The following DARS1 variants were observed in gnomAD, a reference collection of about 807,000 sequenced individuals.
The protein encoded by DARS1 is aspartyl-tRNA synthetase 1.
In DARS1, 51 loss-of-function variants were observed where a neutral mutation model predicts 68.8. The ratio of observed to expected loss-of-function variants is 0.74; its 90% CI spans 0.59 to 0.94. The LOEUF is 0.94. Ranked by LOEUF, DARS1 falls within the 40% of genes least tolerant of loss-of-function variation. The pLI is 0.00. For missense variants in DARS1, 607 were observed against 597.3 expected (o/e 1.02, Z -0.17); for synonymous variants, 203 against 190.4 (o/e 1.07, Z -0.55).
Position 135,912,531 on chromosome 2 carries a change from T to C in DARS1, c.1185A>G (p.Pro395=). The part of the protein sequence containing the change: ...DTDFYILDKY[P]LAVRPFYTMP... ...TGGTATAGAAAGGTCTTACAGCCAA[T>C]GGATATTTATCAAGAATATAAAAAT... Residue 395 remains proline, a synonymous_variant, in exon 13 of 16, where the codon CCA becomes CCG. Transcript: ENST00000264161. The C allele has an allele frequency of 9.5e-7, 1 of 1,056,728 alleles. No individual in the cohort carries two copies. The highest frequency in any genetic ancestry group is 1.5e-6 in the Non-Finnish European group (1 of 686,704). The allele number at this position is 1,056,728 out of a possible 1,614,324, so 65.5% of individuals were successfully genotyped here.
At chr2:135,979,770 T>C (rs1330291546) in intron 2 of DARS1, among the ~76,000 whole-genome samples, 3 of 152,210 alleles carry the variant, frequency 2.0e-5, no homozygotes, top group Non-Finnish European at 4.4e-5. Flanking sequence ...CAGCCTATCC[T>C]GCCTAGGACA....
Position 135,923,965 on chromosome 2 carries a change from G to A in DARS1, c.676+422C>T, listed in dbSNP as rs1558780953. On this transcript the variant is annotated intron_variant, in intron 8 of 15. Transcript: ENST00000264161. ...CTGGGAGGTGGAGGTTCGGTGAGCC[G>A]AATTCACAACACTGCACTCCAGCCT... Among the ~76,000 whole-genome samples, 4 of 152,168 alleles carry A rather than the reference G, an allele frequency of 2.6e-5. No homozygotes were observed. In the South Asian group the frequency reaches 6.2e-4, roughly 24 times the overall value.
intron 7 of DARS1, among the ~76,000 whole-genome samples, chr2:135,930,926 A>G (rs1681328332): frequency 6.6e-6 from 1 of 152,208 alleles, no homozygotes. Flanking sequence ...GAGTTATGTG[A>G]GTGCTATGTA....
intron 6 of DARS1, among the ~76,000 whole-genome samples, chr2:135,933,465 A>C (rs1188283844): frequency 6.6e-6 from 1 of 152,216 alleles, no homozygotes; most frequent in Non-Finnish European, 1.5e-5. Flanking sequence ...CCGAAGGATG[A>C]GGGAGCTGAG....
intron 3 of DARS1, among the ~76,000 whole-genome samples, chr2:135,973,863 T>C (rs1483643352): frequency 6.6e-6 from 1 of 151,908 alleles, no homozygotes; most frequent in Non-Finnish European, 1.5e-5. Context: ...TCTCAAAAAA[T>C]AAATAAAATT....
chr2:135,983,103 C>T (rs959193315), intron 2 of DARS1, among the ~76,000 whole-genome samples: 1 of 152,164 alleles, frequency 6.6e-6, no homozygotes, highest in African/African-American at 2.4e-5. Flanking sequence ...ATCTCCTAGA[C>T]AACGGTTGAA....
intron 3 of DARS1, among the ~76,000 whole-genome samples, chr2:135,970,071 G>A (rs1682331511): frequency 6.6e-6 from 1 of 151,852 alleles, no homozygotes; most frequent in Admixed American, 6.6e-5. Flanking sequence ...ACCATACTTG[G>A]GGCCATTTTA....
At chr2:135,982,611 A>G (rs1007173860) in intron 2 of DARS1, among the ~76,000 whole-genome samples, 1 of 151,884 alleles carries the variant, frequency 6.6e-6, no homozygotes, top group Non-Finnish European at 1.5e-5. Flanking sequence ...AAAAAAAAAA[A>G]GAAATATAAA....
chr2:135,912,329 C>A (rs999713942), intron 13 of DARS1, among the ~76,000 whole-genome samples, 157 bp downstream of exon 13: 3 of 152,134 alleles, frequency 2.0e-5, no homozygotes, highest in Admixed American at 6.6e-5. Context: ...TTTACAATAT[C>A]ATTTTGACCA....
intron 5 of DARS1, among the ~76,000 whole-genome samples, chr2:135,939,453 GA>G (rs1386698042): frequency 6.6e-6 from 1 of 151,924 alleles, no homozygotes; most frequent in Non-Finnish European, 1.5e-5. Context: ...GATGTTCTTT[GA>G]AATCAATGAG....
chr2:135,940,074 G>T (rs1030169933), intron 5 of DARS1, among the ~76,000 whole-genome samples: 18 of 152,160 alleles, frequency 1.2e-4, no homozygotes, highest in Non-Finnish European at 4.4e-5. Flanking sequence ...AATTCTACCA[G>T]AGATACAAAG....
intron 3 of DARS1, among the ~76,000 whole-genome samples, chr2:135,973,012 G>C (rs1016206829): frequency 6.6e-6 from 1 of 152,170 alleles, no homozygotes; most frequent in Non-Finnish European, 1.5e-5. Context: ...GAACAGTTTG[G>C]AGGTTCCTCA....
At chr2:135,922,262 G>A (rs1681121500) in intron 9 of DARS1, among the ~76,000 whole-genome samples, 1 of 152,094 alleles carries the variant, frequency 6.6e-6, no homozygotes, top group African/African-American at 2.4e-5. Context: ...TTAGACAGAG[G>A]TACACTGTAA....
intron 15 of DARS1, 125 bp from the exon 16 acceptor site, chr2:135,907,532 T>C (rs1290020502): frequency 1.6e-6 from 1 of 613,948 alleles, no homozygotes; most frequent in South Asian, 2.1e-5. Flanking sequence ...AAAATGACTC[T>C]TATTATTTTG....
chr2:135,939,038 A>T (rs112758679), intron 5 of DARS1, among the ~76,000 whole-genome samples: 2 of 152,080 alleles, frequency 1.3e-5, no homozygotes, highest in South Asian at 2.1e-4. Context: ...ACAGAGACTT[A>T]GACTTCCTCA....
intron 5 of DARS1, among the ~76,000 whole-genome samples, chr2:135,939,216 GCACCA>G (rs1377947731): frequency 6.6e-6 from 1 of 152,186 alleles, no homozygotes; most frequent in Non-Finnish European, 1.5e-5. Flanking sequence ...ATTCTTCTCA[GCACCA>G]CATTGCACTT....
At chr2:135,975,436 G>C (rs1479364830) in intron 3 of DARS1, among the ~76,000 whole-genome samples, 3 of 151,956 alleles carry the variant, frequency 2.0e-5, no homozygotes, top group Non-Finnish European at 4.4e-5. Context: ...ATAATACAGA[G>C]TATTATAAAA....
intron 10 of DARS1, among the ~76,000 whole-genome samples, chr2:135,917,920 A>G (rs529788995): frequency 1.3e-5 from 2 of 150,864 alleles, no homozygotes; most frequent in Admixed American, 1.3e-4. Flanking sequence ...ATTTTTTTAA[A>G]TTTGTTTTTT....
intron 3 of DARS1, among the ~76,000 whole-genome samples, chr2:135,969,253 G>T (rs1237298407): frequency 6.6e-6 from 1 of 151,952 alleles, no homozygotes; most frequent in Non-Finnish European, 1.5e-5. Context: ...AAAATAATAT[G>T]TAAAGTATAA....
Sources: allele counts gnomAD v4.1 joint callset (sites outside exome capture counted in the v4.1 genomes callset), GRCh38; gene constraint gnomAD v4.1.1; transcripts MANE v1.5; gene names NCBI Gene and HGNC (gene_info 2026-07-23, HGNC 2026-07-21).